PTPRO: variants seen among roughly 807,000 people sequenced by gnomAD.
PTPRO encodes the protein receptor-type tyrosine-protein phosphatase O.
A neutral mutation model predicts 145.2 loss-of-function variants in PTPRO; 62 were observed. The ratio of observed to expected loss-of-function variants is 0.43; its 90% CI spans 0.35 to 0.53. The LOEUF (loss-of-function observed/expected upper bound fraction) is 0.53, where lower values mean the gene tolerates loss of function less well. Among genes scored for constraint, PTPRO ranks in the 20% least tolerant of loss-of-function variants. The pLI is 0.01. For missense variants in PTPRO, 1,345 were observed against 1,482.7 expected, an observed-to-expected ratio of 0.91 and a Z score of 1.53; for synonymous variants, 565 against 514.7, an observed-to-expected ratio of 1.10 and a Z score of -1.32.
At chr12:15,409,536 T>TA (rs1939736846) in intron 1 of PTPRO, among the ~76,000 whole-genome samples, 1 of 152,190 alleles carries the variant, frequency 6.6e-6, no homozygotes, top group Non-Finnish European at 1.5e-5. Flanking sequence ...TAGGCTATTC[T>TA]TACATTGCTA....
intron 1 of PTPRO, among the ~76,000 whole-genome samples, chr12:15,419,495 A>G (rs11056468): frequency 0.2 from 29,587 of 151,526 alleles, 4,198 homozygotes; most frequent in African/African-American, 0.37. Flanking sequence ...ACTGAAGTTA[A>G]AACAAAATCA....
intron 1 of PTPRO, chr12:15,440,220 T>C (rs552310805): frequency 3.1e-6 from 2 of 655,192 alleles, no homozygotes; most frequent in African/African-American, 1.8e-5. Context: ...ACTGCCACCC[T>C]GGGCAACTTT....
chr12:15,410,027 G>T (rs1038085576), intron 1 of PTPRO, among the ~76,000 whole-genome samples: 1 of 152,104 alleles, frequency 6.6e-6, no homozygotes, highest in Non-Finnish European at 1.5e-5. Context: ...AGAGCCTCAT[G>T]GTAATGATTC....
intron 1 of PTPRO, among the ~76,000 whole-genome samples, chr12:15,469,491 C>T (rs975240413): frequency 6.6e-6 from 1 of 152,132 alleles, no homozygotes; most frequent in Non-Finnish European, 1.5e-5. Context: ...GGGCCGACCC[C>T]CTACCCAGTC....
At chr12:15,400,717 A>G (rs1034716092) in intron 1 of PTPRO, among the ~76,000 whole-genome samples, 8 of 152,234 alleles carry the variant, frequency 5.3e-5, no homozygotes, top group Non-Finnish European at 1.0e-4. Context: ...GTAAATGAGC[A>G]CCTATTTTAC....
chr12:15,434,598 T>C (rs936632547), intron 1 of PTPRO, among the ~76,000 whole-genome samples: 2 of 152,330 alleles, frequency 1.3e-5, no homozygotes, highest in Non-Finnish European at 2.9e-5. Flanking sequence ...CCAATGTATG[T>C]AGGTGTTATT....
At chr12:15,341,185 T>C (rs1020823548) in intron 1 of PTPRO, among the ~76,000 whole-genome samples, 2 of 152,232 alleles carry the variant, frequency 1.3e-5, no homozygotes, top group African/African-American at 2.4e-5. Flanking sequence ...ACATTAACTC[T>C]TAATACACAA....
At chr12:15,527,875 A>ACCCCCCCCCCCCACCCC (rs1555173370) in intron 12 of PTPRO, among the ~76,000 whole-genome samples, 1 of 137,642 alleles carries the variant, frequency 7.3e-6, no homozygotes, top group South Asian at 2.3e-4. Flanking sequence ...GGGAACTGTG[A>ACCCCCCCCCCCCACCCC]CCCGCCCACG....
chr12:15,539,854 T>C (rs1051118948), intron 12 of PTPRO, among the ~76,000 whole-genome samples: 1 of 150,804 alleles, frequency 6.6e-6, no homozygotes, highest in Non-Finnish European at 1.5e-5. Context: ...GAAAATTTTA[T>C]TTTTATATAT....
chr12:15,470,738 A>G (rs1264762358), intron 1 of PTPRO, among the ~76,000 whole-genome samples: 1 of 152,242 alleles, frequency 6.6e-6, no homozygotes, highest in Non-Finnish European at 1.5e-5. Flanking sequence ...AATTGGTGAC[A>G]GACTTTAGCT....
At chr12:15,439,097 G>C (rs1405497648) in intron 1 of PTPRO, among the ~76,000 whole-genome samples, 1 of 152,150 alleles carries the variant, frequency 6.6e-6, no homozygotes, top group African/African-American at 2.4e-5. Context: ...AACCTTACAA[G>C]CCAGGAGAGA....
chr12:15,589,720 A>G lies in PTPRO; in HGVS notation c.3546+130A>G, dbSNP rs148392717. The G allele has an allele frequency of 0.022, 25,470 of 1,147,158 alleles. 366 individuals are homozygous for G. The highest frequency in any genetic ancestry group is 0.027 in the Non-Finnish European group (21,280 of 788,392). 71.1% of individuals were successfully genotyped at this position (1,147,158 alleles called of 1,614,324 possible). On this transcript the variant is annotated intron_variant, in intron 25 of 26. Coordinates refer to ENST00000281171, the MANE Select transcript of PTPRO (RefSeq NM_030667.3). ...TTTCTTTCCCATTTTCTTATTGTAT[A>G]TGTTCAAACTGCTTTGAGGCATAAA...
chr12:15,441,101 C>T (rs1940752935), intron 1 of PTPRO, among the ~76,000 whole-genome samples: 1 of 152,138 alleles, frequency 6.6e-6, no homozygotes, highest in African/African-American at 2.4e-5. Flanking sequence ...CAAGATTGAC[C>T]ACATGCTCTA....
At chr12:15,524,308 C>A (rs767302493) in intron 10 of PTPRO, among the ~76,000 whole-genome samples, 35 of 152,036 alleles carry the variant, frequency 2.3e-4, no homozygotes, top group Non-Finnish European at 4.4e-4. Flanking sequence ...TAACATTTGT[C>A]TTCTATCCTG....
At chr12:15,415,678 C>T (rs1043375394) in intron 1 of PTPRO, among the ~76,000 whole-genome samples, 4 of 151,758 alleles carry the variant, frequency 2.6e-5, no homozygotes, top group Non-Finnish European at 5.9e-5. Flanking sequence ...AGCCACTGTG[C>T]CCGGCCTATG....
chr12:15,435,765 A>T (rs1429874087), intron 1 of PTPRO, among the ~76,000 whole-genome samples: 1 of 152,188 alleles, frequency 6.6e-6, no homozygotes, highest in East Asian at 1.9e-4. Flanking sequence ...ATTGTTCAGT[A>T]CCATGGATAG....
chr12:15,554,873 A>G (rs1040040446), intron 15 of PTPRO, among the ~76,000 whole-genome samples: 5 of 152,192 alleles, frequency 3.3e-5, no homozygotes, highest in African/African-American at 1.2e-4. Flanking sequence ...ATAACTTGCA[A>G]GTGCAGGTGC....
Position 15,388,041 on chromosome 12 carries a change from C to G in PTPRO, c.75+65240C>G, listed in dbSNP as rs1939078717. Among the ~76,000 whole-genome samples the G allele has an allele frequency of 2.0e-5, 3 of 152,152 alleles. No individual in the cohort carries two copies. In the South Asian group the frequency reaches 6.2e-4, roughly 32 times the overall value. ...AAAAAGAGATCCACCTAGTTATAAA[C>G]AATGCTCATTATAGAACAACCTCCA... On this transcript the variant is annotated intron_variant, in intron 1 of 26. Transcript: ENST00000281171.
At chr12:15,414,721 A>C (rs1174750570) in intron 1 of PTPRO, among the ~76,000 whole-genome samples, 1 of 152,230 alleles carries the variant, frequency 6.6e-6, no homozygotes, top group African/African-American at 2.4e-5. Flanking sequence ...TACCTTGGCC[A>C]GAAACCTGAT....
Sources: gnomAD v4.1 joint callset for allele counts (sites outside exome capture counted in the v4.1 genomes callset) on GRCh38, gnomAD v4.1.1 for gene constraint, MANE v1.5 for transcripts, NCBI Gene and HGNC (gene_info 2026-07-23, HGNC 2026-07-21) for gene names.